The following DTWD2 variants were observed in gnomAD, a reference collection of about 807,000 sequenced individuals.
DTWD2 encodes the protein DTW motif tRNA-uridine aminocarboxypropyltransferase 2, also known as tRNA-uridine aminocarboxypropyltransferase 2.
DTWD2 carries 39 observed loss-of-function variants against 31.8 expected under a neutral mutation model. The ratio of observed to expected loss-of-function variants is 1.22; its 90% CI spans 0.95 to 1.60. The LOEUF (loss-of-function observed/expected upper bound fraction) is 1.60, where lower values mean the gene tolerates loss of function less well. Ranked by LOEUF, DTWD2 falls within the 40% of genes most tolerant of loss-of-function variation. The pLI is 0.00. For missense variants in DTWD2, 515 were observed against 381.5 expected (o/e 1.35, Z -2.92); for synonymous variants, 180 against 142.8 (o/e 1.26, Z -1.86).
chr5:118,905,375 T>C (rs1178692074), intron 4 of DTWD2, among the ~76,000 whole-genome samples: 1 of 152,012 alleles, frequency 6.6e-6, no homozygotes. Flanking sequence ...TCCTGCTCTC[T>C]CCCCTGCAGC....
chr5:118,964,487 C>A (rs1053013692), intron 1 of DTWD2, among the ~76,000 whole-genome samples: 7 of 152,130 alleles, frequency 4.6e-5, no homozygotes, highest in Non-Finnish European at 7.4e-5. Context: ...CCTCTGATGC[C>A]GAGCCGAAGC....
intron 4 of DTWD2, among the ~76,000 whole-genome samples, chr5:118,900,731 C>A (rs1007683777): frequency 6.6e-6 from 1 of 151,818 alleles, no homozygotes; most frequent in Non-Finnish European, 1.5e-5. Flanking sequence ...TCGAGACCAT[C>A]CTGGCTAACA....
intron 4 of DTWD2, among the ~76,000 whole-genome samples, chr5:118,856,125 A>G (rs1752129154): frequency 6.6e-6 from 1 of 152,142 alleles, no homozygotes; most frequent in Admixed American, 6.5e-5. Context: ...TAAAACAGTA[A>G]AAGTTCTCCT....
At chr5:118,898,658 C>CAAA (rs200407705) in intron 4 of DTWD2, among the ~76,000 whole-genome samples, 8 of 82,278 alleles carry the variant, frequency 9.7e-5, no homozygotes, top group South Asian at 4.2e-4. Context: ...GACTCCATCT[C>CAAA]AAAAAAAAAA....
intron 1 of DTWD2, among the ~76,000 whole-genome samples, chr5:118,982,023 T>C (rs1488886500): frequency 6.6e-6 from 1 of 152,208 alleles, no homozygotes; most frequent in Non-Finnish European, 1.5e-5. Context: ...CTGCCTCTTA[T>C]TAGTCATCTG....
intron 4 of DTWD2, among the ~76,000 whole-genome samples, chr5:118,919,193 G>C (rs1753646748): frequency 6.6e-6 from 1 of 152,220 alleles, no homozygotes; most frequent in Admixed American, 6.5e-5. Flanking sequence ...AATAGTGAAA[G>C]CAGATGTCAT....
chr5:118,945,895 G>C (rs950175453), intron 1 of DTWD2, among the ~76,000 whole-genome samples: 2 of 152,036 alleles, frequency 1.3e-5, no homozygotes, highest in South Asian at 2.1e-4. Flanking sequence ...CATTACAATA[G>C]TATACAAATA....
intron 4 of DTWD2, among the ~76,000 whole-genome samples, chr5:118,860,023 T>G (rs1752223619): frequency 2.0e-5 from 3 of 151,816 alleles, no homozygotes; most frequent in Middle Eastern, 3.4e-3. Context: ...GGAGCTGAGG[T>G]GGGAGGATAG....
chr5:118,928,779 G>T, intron 3 of DTWD2, 50 bp from the exon 4 acceptor site: 12 of 1,386,204 alleles, frequency 8.7e-6, no homozygotes, highest in South Asian at 3.9e-5. Flanking sequence ...GAGGAAAAAA[G>T]GTTTTATTAT....
intron 4 of DTWD2, among the ~76,000 whole-genome samples, chr5:118,907,346 T>C (rs538522934): frequency 4.6e-5 from 7 of 151,952 alleles, no homozygotes; most frequent in Admixed American, 3.9e-4. Flanking sequence ...AGGATATATA[T>C]AGAGAGAGAG....
chr5:118,891,264 C>A (rs1752972574), intron 4 of DTWD2, among the ~76,000 whole-genome samples: 1 of 151,310 alleles, frequency 6.6e-6, no homozygotes, highest in Non-Finnish European at 1.5e-5. Context: ...TTTTTTTTAG[C>A]CATCTGTTCC....
rs1751601349 is a variant in DTWD2 at position 118,837,583 on chromosome 5, T to G, written c.*3334A>C. On this transcript the variant is annotated 3_prime_UTR_variant, in exon 6 of 6. Coordinates refer to ENST00000510708, the MANE Select transcript of DTWD2 (RefSeq NM_173666.4). ...TAACATGATCACATTTTTAAACCTA[T>G]TTAGGGCAACAGTTGGAAATATGTG... is the stretch of plus-strand genomic sequence containing the variant. 6.6e-6 allele frequency: 1 copy of G among 152,118 alleles called. No individual in the cohort carries two copies. Among genetic ancestry groups the G allele is most frequent in the Non-Finnish European group, 1.5e-5 (1 of 68,024 alleles). 9.4% of individuals were successfully genotyped at this position (152,118 alleles called of 1,614,324 possible).
rs1755487224 is a variant in DTWD2 at position 118,988,431 on chromosome 5, G to A, written c.81C>T (p.Asn27=). The change falls in exon 1 of 6, where the codon AAC becomes AAT. Residue 27 remains asparagine (N), a synonymous_variant. Transcript: ENST00000510708. The part of the protein sequence containing the change: ...PSGASSSQTP[N]DKERREGGAV... ...CGCCGCCCTCCCGCCGCTCCTTGTC[G>A]TTCGGCGTCTGAGAGCTTGAGGCCC... 1.9e-6 allele frequency: 3 copies of A among 1,607,166 alleles called. No homozygotes were observed. The highest frequency in any genetic ancestry group is 1.7e-6 in the Non-Finnish European group (2 of 1,178,244).
intron 4 of DTWD2, among the ~76,000 whole-genome samples, chr5:118,920,199 A>G (rs1268799754): frequency 6.6e-6 from 1 of 152,170 alleles, no homozygotes; most frequent in Non-Finnish European, 1.5e-5. Context: ...CAAAAAGCCC[A>G]AGCCAACTAA....
rs1191974736 is a variant in DTWD2 at position 118,907,727 on chromosome 5, C to CA, written c.597+20809dup. Among the ~76,000 whole-genome samples, 743 of 115,708 alleles carry CA rather than the reference C, an allele frequency of 6.4e-3. 3 individuals carry two copies. The highest frequency in any genetic ancestry group is 0.019 in the African/African-American group (574 of 30,832). 75.9% of individuals were successfully genotyped at this position (115,708 alleles called of 152,430 possible). ...CCTGGGTGACAGCGAGACTCCATAT[C>CA]AAAAAAAAAAAAAAAAGTCCAAAGG... On this transcript the variant is annotated intron_variant, in intron 4 of 5. Coordinates refer to ENST00000510708, the MANE Select transcript of DTWD2 (RefSeq NM_173666.4).
chr5:118,932,582 A>G (rs927218502), intron 3 of DTWD2, among the ~76,000 whole-genome samples: 1 of 152,184 alleles, frequency 6.6e-6, no homozygotes, highest in Non-Finnish European at 1.5e-5. Context: ...CCTTTAAAGA[A>G]GTGATTAAGT....
In DTWD2 at chr5:118,910,364, T is replaced by A. The variant is rs79972594; in HGVS notation, c.597+18173A>T. On this transcript the variant is annotated intron_variant, in intron 4 of 5. Coordinates refer to ENST00000510708, the MANE Select transcript of DTWD2 (RefSeq NM_173666.4). ...ACACCAACACAATTCTGCCAAGGTC[T>A]TTATTACTTTATAACAACAATAGCC... Among the ~76,000 whole-genome samples, 998 of 152,356 alleles carry A rather than the reference T, an allele frequency of 6.6e-3. 7 individuals carry two copies. Among genetic ancestry groups the A allele is most frequent in the African/African-American group, 0.023 (958 of 41,582 alleles).
chr5:118,985,527 T>C (rs975536136), intron 1 of DTWD2, among the ~76,000 whole-genome samples: 24 of 141,406 alleles, frequency 1.7e-4, no homozygotes, highest in South Asian at 2.2e-4. Context: ...TACACACACA[T>C]ATATACATAC....
At chr5:118,878,297 T>C (rs756571804) in intron 4 of DTWD2, among the ~76,000 whole-genome samples, 4 of 152,112 alleles carry the variant, frequency 2.6e-5, no homozygotes, top group Admixed American at 6.6e-5. Flanking sequence ...CAGCATGGTA[T>C]TGGTATGAAA....
Sources: allele counts gnomAD v4.1 joint callset (sites outside exome capture counted in the v4.1 genomes callset), GRCh38; gene constraint gnomAD v4.1.1; transcripts MANE v1.5; gene names NCBI Gene and HGNC (gene_info 2026-07-23, HGNC 2026-07-21).